Variants in KIAA1958 observed in about 807,000 individuals in gnomAD.
KIAA1958 encodes the protein uncharacterized protein KIAA1958.
Under a neutral mutation model 47.2 loss-of-function variants are expected in KIAA1958, and 14 were observed. The ratio of observed to expected loss-of-function variants is 0.30; its 90% confidence interval spans 0.20 to 0.46. KIAA1958 has a LOEUF of 0.46. Among genes scored for constraint, KIAA1958 ranks in the 20% least tolerant of loss-of-function variants. The probability of loss-of-function intolerance (pLI) is 1.00; values close to 1 mark genes in which losing one functional copy is unlikely to be tolerated. For missense variants in KIAA1958, 803 were observed against 909.2 expected (o/e 0.88, Z 1.50); for synonymous variants, 354 against 353.3 (o/e 1.00, Z -0.02).
intron 2 of KIAA1958, among the ~76,000 whole-genome samples, chr9:112,635,378 T>G (rs1836788763): frequency 6.6e-6 from 1 of 151,996 alleles, no homozygotes; most frequent in Non-Finnish European, 1.5e-5. Context: ...AGCCTCCAAG[T>G]AGCTGAGACC....
intron 1 of KIAA1958, among the ~76,000 whole-genome samples, chr9:112,517,687 A>G (rs1268778597): frequency 1.3e-5 from 2 of 152,244 alleles, no homozygotes; most frequent in Admixed American, 6.5e-5. Context: ...TGCAAATTAT[A>G]CAACAAAAGA....
chr9:112,651,524 A>G lies in KIAA1958; in HGVS notation c.1344+5702A>G, dbSNP rs574613909. On this transcript the variant is annotated intron_variant, in intron 3 of 3. Transcript: ENST00000337530. ...ATTCTCATGCCTCAGCCTCCCAAGT[A>G]GCTGGGATTACAGGTGCCTGCCACC... is the stretch of plus-strand genomic sequence containing the variant. 1.0e-3 allele frequency among the ~76,000 whole-genome samples: 155 copies of G among 151,794 alleles called. 1 individual carries two copies. The highest frequency in any genetic ancestry group is 3.5e-3 in the African/African-American group (146 of 41,386).
chr9:112,568,230 A>G (rs1835462355), intron 1 of KIAA1958, among the ~76,000 whole-genome samples: 1 of 152,170 alleles, frequency 6.6e-6, no homozygotes, highest in South Asian at 2.1e-4. Flanking sequence ...AGCTTTTACA[A>G]CTGAGGTCAT....
intron 1 of KIAA1958, among the ~76,000 whole-genome samples, chr9:112,556,614 C>T (rs1469989880): frequency 1.3e-5 from 2 of 152,192 alleles, no homozygotes; most frequent in African/African-American, 4.8e-5. Flanking sequence ...GAATTACAGG[C>T]GTGAGCCACT....
At chr9:112,553,917 CA>C (rs1480420683) in intron 1 of KIAA1958, among the ~76,000 whole-genome samples, 1 of 152,040 alleles carries the variant, frequency 6.6e-6, no homozygotes, top group Non-Finnish European at 1.5e-5. Flanking sequence ...TAAATATTTT[CA>C]TAGTTATAAA....
chr9:112,505,628 A>C, intron 1 of KIAA1958, among the ~76,000 whole-genome samples: 1 of 152,348 alleles, frequency 6.6e-6, no homozygotes, highest in South Asian at 2.1e-4. Context: ...TAATTAGCAT[A>C]GTGGTTTCAA....
chr9:112,491,498 G>T (rs999805070), intron 1 of KIAA1958, among the ~76,000 whole-genome samples: 1 of 150,966 alleles, frequency 6.6e-6, no homozygotes, highest in Non-Finnish European at 1.5e-5. Flanking sequence ...TAGCTCCAGA[G>T]ATAGGACAAA....
intron 2 of KIAA1958, 137 bp from the exon 3 acceptor site, chr9:112,645,513 T>C (rs1047190045): frequency 1.7e-6 from 1 of 600,256 alleles, no homozygotes; most frequent in Non-Finnish European, 2.9e-6. Flanking sequence ...GATATAGATA[T>C]ACATATACTT....
intron 2 of KIAA1958, among the ~76,000 whole-genome samples, chr9:112,640,320 T>C (rs1836871559): frequency 6.6e-6 from 1 of 152,204 alleles, no homozygotes; most frequent in African/African-American, 2.4e-5. Flanking sequence ...CTCTCCTCTT[T>C]GGAAGGCCCC....
At chr9:112,620,318 A>T (rs1304052372) in intron 2 of KIAA1958, among the ~76,000 whole-genome samples, 1 of 152,236 alleles carries the variant, frequency 6.6e-6, no homozygotes, top group East Asian at 1.9e-4. Context: ...GGACCCGTGA[A>T]TTCTATTGGG....
At chr9:112,569,996 T>A (rs1835505552) in intron 1 of KIAA1958, among the ~76,000 whole-genome samples, 1 of 152,200 alleles carries the variant, frequency 6.6e-6, no homozygotes, top group Non-Finnish European at 1.5e-5. Context: ...GTTCTAGAAT[T>A]TTCAGATCTA....
chr9:112,579,534 A>G (rs1483022490), intron 2 of KIAA1958, among the ~76,000 whole-genome samples: 2 of 152,082 alleles, frequency 1.3e-5, no homozygotes, highest in African/African-American at 2.4e-5. Context: ...ATTGATTCAG[A>G]TACCACATTT....
At chr9:112,588,519 A>G (rs1835868198) in intron 2 of KIAA1958, among the ~76,000 whole-genome samples, 1 of 152,246 alleles carries the variant, frequency 6.6e-6, no homozygotes, top group South Asian at 2.1e-4. Flanking sequence ...AAAGCATGCT[A>G]CCGATTAAAC....
chr9:112,604,852 G>A (rs1172779135), intron 2 of KIAA1958, among the ~76,000 whole-genome samples: 2 of 149,832 alleles, frequency 1.3e-5, no homozygotes, highest in Non-Finnish European at 3.0e-5. Context: ...TGACAAAGAC[G>A]TGAAAAATAA....
intron 2 of KIAA1958, among the ~76,000 whole-genome samples, chr9:112,577,702 ACTGAGGCG>A (rs1244654760): frequency 6.6e-6 from 1 of 151,874 alleles, no homozygotes. Flanking sequence ...TAAATGAGGC[ACTGAGGCG>A]CTTTGCTAAA....
rs534106395 is a variant in KIAA1958, at chr9:112,666,384, A to G, written c.*6315A>G. 6.6e-6 allele frequency: 1 copy of G among 152,334 alleles called. No homozygotes were observed. The highest frequency in any genetic ancestry group is 2.1e-4 in the South Asian group (1 of 4,824). The allele number at this position is 152,334 out of a possible 1,614,324, so 9.4% of individuals were successfully genotyped here. ...CCCCATTTTATCAATAAGGAAATTTAAGGCCAGAGATATTAAAGGGCCCAT... is the reference window on the plus strand; with the variant it reads ...CCCCATTTTATCAATAAGGAAATTTGAGGCCAGAGATATTAAAGGGCCCAT... On this transcript the variant is annotated 3_prime_UTR_variant, in exon 4 of 4. Transcript: ENST00000337530.
chr9:112,551,022 T>C (rs1318447332), intron 1 of KIAA1958, among the ~76,000 whole-genome samples: 13 of 151,836 alleles, frequency 8.6e-5, no homozygotes, highest in Non-Finnish European at 1.5e-4. Flanking sequence ...GAATTAACAC[T>C]TTACTGCATA....
chr9:112,523,097 C>A (rs1001575885), intron 1 of KIAA1958, among the ~76,000 whole-genome samples: 4 of 152,164 alleles, frequency 2.6e-5, no homozygotes, highest in Non-Finnish European at 4.4e-5. Flanking sequence ...CTCACAGCCA[C>A]CCCTCAGAAA....
At chr9:112,519,049 C>T (rs1490909001) in intron 1 of KIAA1958, among the ~76,000 whole-genome samples, 1 of 152,092 alleles carries the variant, frequency 6.6e-6, no homozygotes, top group Non-Finnish European at 1.5e-5. Context: ...CCTGTTTCAG[C>T]CTCCCAAGTA....
Sources: gnomAD v4.1 joint callset for allele counts (sites outside exome capture counted in the v4.1 genomes callset) on GRCh38, gnomAD v4.1.1 for gene constraint, MANE v1.5 for transcripts, NCBI Gene and HGNC (gene_info 2026-07-23, HGNC 2026-07-21) for gene names.